Variants in ALDH5A1 observed in about 807,000 individuals in gnomAD.
ALDH5A1 encodes the protein aldehyde dehydrogenase 5 family member A1, also known as succinate-semialdehyde dehydrogenase, mitochondrial.
ALDH5A1 carries 33 observed loss-of-function variants against 54.7 expected under a neutral mutation model. The ratio of observed to expected loss-of-function variants is 0.60; its 90% CI spans 0.46 to 0.81. The LOEUF is 0.81. Among genes scored for constraint, ALDH5A1 ranks in the 30% least tolerant of loss-of-function variants. The pLI, the probability that ALDH5A1 is intolerant of heterozygous loss-of-function variation, is 0.00. For missense variants in ALDH5A1, 657 were observed against 711.0 expected, an observed-to-expected ratio of 0.92 and a Z score of 0.86; for synonymous variants, 294 against 292.7, an observed-to-expected ratio of 1.00 and a Z score of -0.05.
chr6:24,495,007 G>A lies in ALDH5A1; in HGVS notation c.11G>A (p.Cys4Tyr). The A allele has an allele frequency of 7.5e-7, 1 of 1,325,140 alleles. No individual in the cohort carries two copies. Among genetic ancestry groups the A allele is most frequent in the Non-Finnish European group, 9.6e-7 (1 of 1,040,440 alleles). The allele number at this position is 1,325,140 out of a possible 1,614,324, so 82.1% of individuals were successfully genotyped here. Residue 4 changes from cysteine to tyrosine, a missense_variant, in exon 1 of 10, where the codon TGC becomes TAC. This residue lies in a region of ALDH5A1 where 232 missense variants were observed against 194.6 expected (regional missense o/e 1.19). Coordinates refer to ENST00000357578, the MANE Select transcript of ALDH5A1 (RefSeq NM_001080.3). ...GTCGTTGCCCGGGCCATGGCGACCT[G>A]CATTTGGCTGCGGAGCTGTGGGGCC... MAT[C>Y]IWLRSCGARR...
intron 1 of ALDH5A1, among the ~76,000 whole-genome samples, chr6:24,496,574 C>G (rs945571056): frequency 2.0e-5 from 3 of 152,172 alleles, no homozygotes; most frequent in African/African-American, 7.2e-5. Context: ...CTTCTAAGGC[C>G]TCTCATTGGC....
At chr6:24,527,098 C>T (rs1275576436) in intron 7 of ALDH5A1, among the ~76,000 whole-genome samples, 1 of 149,208 alleles carries the variant, frequency 6.7e-6, no homozygotes, top group Non-Finnish European at 1.5e-5. Flanking sequence ...AGGGTGAGAA[C>T]CATTTTTGGC....
chr6:24,511,050 G>A (rs891553076), intron 4 of ALDH5A1, among the ~76,000 whole-genome samples: 4 of 152,140 alleles, frequency 2.6e-5, no homozygotes, highest in Non-Finnish European at 5.9e-5. Context: ...GTGTTTGTCT[G>A]AAAAAGACTG....
intron 3 of ALDH5A1, among the ~76,000 whole-genome samples, chr6:24,503,665 G>A (rs1207776322): frequency 6.6e-6 from 1 of 152,194 alleles, no homozygotes; most frequent in Non-Finnish European, 1.5e-5. Context: ...AAAGTGGGAT[G>A]AGCCGCAGGA....
In ALDH5A1 at chr6:24,533,696, G is replaced by A. The variant is rs953870735; in HGVS notation, c.1592G>A (p.Cys531Tyr). 7 of 1,613,976 alleles carry A rather than the reference G, an allele frequency of 4.3e-6. No individual in the cohort carries two copies. The highest frequency in any genetic ancestry group is 5.9e-6 in the Non-Finnish European group (7 of 1,180,008). Residue 531 changes from cysteine (C) to tyrosine (Y), a missense_variant, in exon 10 of 10, where the codon TGT becomes TAT. Physicochemically the swap from Cys to Tyr is radical, Grantham distance 194 (BLOSUM62 -2). Around this residue, in one of 2 missense-constraint regions of ALDH5A1, gnomAD observed 425 missense variants for 516.4 expected, o/e 0.82. Coordinates refer to ENST00000357578, the MANE Select transcript of ALDH5A1 (RefSeq NM_001080.3). Reference sequence around the variant, plus strand: ...GAGTATCTGGAACTCAAGTATGTGTGTTACGGGGGCTTGTAGGATTCTTTG... The same window carrying A: ...GAGTATCTGGAACTCAAGTATGTGTATTACGGGGGCTTGTAGGATTCTTTG... ...IDEYLELKYV[C>Y]YGGL
chr6:24,529,333 A>G (rs1199511944), intron 8 of ALDH5A1, among the ~76,000 whole-genome samples: 6 of 151,324 alleles, frequency 4.0e-5, no homozygotes, highest in Non-Finnish European at 8.8e-5. Flanking sequence ...CACCTGGCTA[A>G]TTTTTATACT....
At chr6:24,505,570 C>T (rs2127383163) in intron 4 of ALDH5A1, among the ~76,000 whole-genome samples, 1 of 152,282 alleles carries the variant, frequency 6.6e-6, no homozygotes, top group East Asian at 1.9e-4. Flanking sequence ...TATACTTTCC[C>T]TCTGTCTGGA....
rs1561865665 is a variant in ALDH5A1 at position 24,495,099 on chromosome 6, TCCGGGCCTGCGCCCGGCCCGGCCC to T, written c.104_127del (p.Ser35_Gln43delinsTer). ...CCGCGCCGGCGGCCTGGTCCCTGCCTCCGGGCCTGCGCCCGGCCCGGCCCAGCTCCGCTGCTACGCTGGGCGCCT... is the reference window on the plus strand; with the variant it reads ...CCGCGCCGGCGGCCTGGTCCCTGCCTAGCTCCGCTGCTACGCTGGGCGCCT... On this transcript the variant is annotated stop_gained and inframe_deletion, in exon 1 of 10. Transcript: ENST00000357578. LOFTEE classifies it high-confidence loss of function. The T allele has an allele frequency of 9.1e-6, 12 of 1,318,134 alleles. No homozygotes were observed. The highest frequency in any genetic ancestry group is 9.6e-6 in the Non-Finnish European group (10 of 1,040,762). 81.7% of individuals were successfully genotyped at this position (1,318,134 alleles called of 1,614,324 possible). A position where few individuals can be genotyped will look rare whatever the true frequency, so the allele number is the denominator to read the frequency against.
chr6:24,523,057 G>C (rs1361382844), intron 7 of ALDH5A1, 132 bp downstream of exon 7: 1 of 841,746 alleles, frequency 1.2e-6, no homozygotes, highest in Non-Finnish European at 1.8e-6. Context: ...CAGCTAGACA[G>C]AAGGAATAAG....
intron 1 of ALDH5A1, among the ~76,000 whole-genome samples, chr6:24,498,386 C>T (rs148253068): frequency 9.5e-4 from 145 of 152,256 alleles, no homozygotes; most frequent in African/African-American, 3.4e-3. Flanking sequence ...AGGGCCTGAG[C>T]CCTGGTTCCC....
chr6:24,522,730 G>T, intron 6 of ALDH5A1, 37 bp from the exon 7 acceptor site: 1 of 1,611,964 alleles, frequency 6.2e-7, no homozygotes, highest in South Asian at 1.1e-5. Context: ...TGCAGCTTCT[G>T]ACAGACTGTG....
At chr6:24,496,258 T>C (rs1403910147) in intron 1 of ALDH5A1, among the ~76,000 whole-genome samples, 2 of 152,150 alleles carry the variant, frequency 1.3e-5, no homozygotes, top group East Asian at 1.9e-4. Flanking sequence ...TCTGCCCTTA[T>C]GGAGCTCACA....
rs376430337 is a variant in ALDH5A1 at position 24,530,494 on chromosome 6, G to C, written c.1344-1625G>C. On this transcript the variant is annotated intron_variant, in intron 8 of 9. Coordinates refer to ENST00000357578, the MANE Select transcript of ALDH5A1 (RefSeq NM_001080.3). ...CCTGTGAGCTCATCTTTAACCCCTT[G>C]CACCGTCGGCAGCCTTGGCTTGTAA... 3.6e-4 allele frequency among the ~76,000 whole-genome samples: 55 copies of C among 152,240 alleles called. No homozygotes were observed. The South Asian group carries it at 5.4e-3, about 15-fold the overall frequency.
Position 24,495,031 on chromosome 6 carries a change from C to A in ALDH5A1, c.35C>A (p.Ala12Asp). The A allele has an allele frequency of 1.5e-6, 2 of 1,348,708 alleles. No homozygotes were observed. The highest frequency in any genetic ancestry group is 2.2e-5 in the South Asian group (1 of 44,540). 83.5% of individuals were successfully genotyped at this position (1,348,708 alleles called of 1,614,324 possible). A position where few individuals can be genotyped will look rare whatever the true frequency, so the allele number is the denominator to read the frequency against. Residue 12 changes from alanine to aspartate, a missense_variant, in exon 1 of 10, where the codon GCC (alanine) becomes GAC (aspartate). Physicochemically the swap from Ala to Asp is moderately radical, Grantham distance 126 (BLOSUM62 -2). Around this residue, in one of 2 missense-constraint regions of ALDH5A1, gnomAD observed 232 missense variants for 194.6 expected, o/e 1.19. Transcript: ENST00000357578. ...ATCIWLRSCGARRLGSTFPGC... is the reference protein window; with the variant it reads ...ATCIWLRSCGDRRLGSTFPGC... ...TGCATTTGGCTGCGGAGCTGTGGGG[C>A]CCGGCGCCTCGGGTCGACGTTTCCA...
chr6:24,506,810 C>CGG (rs1324348349), intron 4 of ALDH5A1, among the ~76,000 whole-genome samples: 6 of 147,242 alleles, frequency 4.1e-5, no homozygotes, highest in Non-Finnish European at 7.4e-5. Context: ...ACATACCCCA[C>CGG]ATTCAATTTC....
At chr6:24,496,982 A>T (rs967378394) in intron 1 of ALDH5A1, among the ~76,000 whole-genome samples, 2 of 152,128 alleles carry the variant, frequency 1.3e-5, no homozygotes, top group Non-Finnish European at 2.9e-5. Flanking sequence ...AGACCAAAGG[A>T]GGTAAGTGTG....
chr6:24,526,387 A>G (rs1200006044), intron 7 of ALDH5A1, among the ~76,000 whole-genome samples: 1 of 152,168 alleles, frequency 6.6e-6, no homozygotes, highest in Non-Finnish European at 1.5e-5. Flanking sequence ...GTGTCCTGCA[A>G]GAGTTTTGGG....
At chr6:24,496,290 G>C (rs749799250) in intron 1 of ALDH5A1, among the ~76,000 whole-genome samples, 1 of 152,202 alleles carries the variant, frequency 6.6e-6, no homozygotes. Context: ...GGGAGCAGAA[G>C]AGAGATCAGA....
intron 8 of ALDH5A1, among the ~76,000 whole-genome samples, chr6:24,529,820 C>T (rs970590903): frequency 3.3e-5 from 5 of 151,214 alleles, no homozygotes; most frequent in South Asian, 2.1e-4. Flanking sequence ...TACAGGCGCC[C>T]GCCACCAGGC....
Sources: allele counts gnomAD v4.1 joint callset (sites outside exome capture counted in the v4.1 genomes callset), GRCh38; gene constraint gnomAD v4.1.1; regional missense constraint gnomAD v4.1.1; transcripts MANE v1.5; gene names NCBI Gene and HGNC (gene_info 2026-07-23, HGNC 2026-07-21).